Variants in DLGAP2 observed in about 807,000 individuals in gnomAD.
DLGAP2 encodes the protein disks large-associated protein 2.
In DLGAP2, 26 loss-of-function variants were observed where a neutral mutation model predicts 100.3. That is an observed-to-expected ratio of 0.26 (90% CI 0.19 to 0.36). The LOEUF (loss-of-function observed/expected upper bound fraction) is 0.36. Ranked by LOEUF, DLGAP2 falls within the 10% of genes least tolerant of loss-of-function variation. The pLI is 1.00. For missense variants in DLGAP2, 1,858 were observed against 1,453.2 expected (o/e 1.28, Z -4.53); for synonymous variants, 886 against 630.1 (o/e 1.41, Z -6.08).
intron 3 of DLGAP2, among the ~76,000 whole-genome samples, chr8:1,469,592 C>G (rs939683765): frequency 2.6e-5 from 4 of 152,170 alleles, no homozygotes; most frequent in African/African-American, 9.6e-5. Flanking sequence ...CCCACGTATT[C>G]GTATTTTCAC....
chr8:1,295,116 G>C (rs922346945), intron 3 of DLGAP2, among the ~76,000 whole-genome samples: 3 of 152,156 alleles, frequency 2.0e-5, no homozygotes, highest in African/African-American at 7.2e-5. Context: ...GTTGCAGTGG[G>C]GACTGTGGGC....
chr8:778,905 C>G lies in DLGAP2; in HGVS notation c.18+41080C>G, dbSNP rs192930582. Among the ~76,000 whole-genome samples, 685 of 152,374 alleles carry G rather than the reference C, an allele frequency of 4.5e-3. 1 individual carries two copies. Among genetic ancestry groups the G allele is most frequent in the Non-Finnish European group, 7.3e-3 (495 of 68,036 alleles). On this transcript the variant is annotated intron_variant, in intron 1 of 14. Coordinates refer to ENST00000637795, the MANE Select transcript of DLGAP2 (RefSeq NM_001346810.2). ...TTCCCGGCTGCTTTGTTTACCTAAG[C>G]AAGCCTGGGCAATGGTGGGCGCCCC...
intron 2 of DLGAP2, among the ~76,000 whole-genome samples, chr8:1,038,770 G>C (rs1563158138): frequency 6.6e-6 from 1 of 152,196 alleles, no homozygotes; most frequent in Non-Finnish European, 1.5e-5. Flanking sequence ...ATGTGGTTGG[G>C]AGTTATGTAT....
chr8:1,444,533 G>A (rs1007864608), intron 3 of DLGAP2, among the ~76,000 whole-genome samples: 1 of 152,010 alleles, frequency 6.6e-6, no homozygotes, highest in Non-Finnish European at 1.5e-5. Flanking sequence ...TTTTAAGAGA[G>A]AAAGAGACAG....
intron 2 of DLGAP2, among the ~76,000 whole-genome samples, chr8:1,180,017 C>T (rs1797345723): frequency 6.6e-6 from 1 of 152,140 alleles, no homozygotes; most frequent in Admixed American, 6.5e-5. Flanking sequence ...TTAAAGTGAA[C>T]ACATAATTTT....
chr8:1,191,515 C>G (rs951751640), intron 2 of DLGAP2, among the ~76,000 whole-genome samples: 16 of 152,304 alleles, frequency 1.1e-4, no homozygotes, highest in African/African-American at 3.9e-4. Flanking sequence ...GTCTAAAGTA[C>G]TAAGTAAAAC....
chr8:1,673,474 A>G (rs1439162788), intron 10 of DLGAP2, among the ~76,000 whole-genome samples: 2 of 152,228 alleles, frequency 1.3e-5, no homozygotes, highest in Non-Finnish European at 2.9e-5. Context: ...TTTACCATCC[A>G]GCAATGGAGA....
At chr8:1,510,604 C>T (rs762806596) in intron 4 of DLGAP2, among the ~76,000 whole-genome samples, 14 of 152,216 alleles carry the variant, frequency 9.2e-5, no homozygotes, top group Admixed American at 2.0e-4. Context: ...ATATGCTTAA[C>T]GCCACAGCAA....
intron 3 of DLGAP2, among the ~76,000 whole-genome samples, chr8:1,409,555 G>A (rs13262573): frequency 2.0e-5 from 3 of 152,050 alleles, no homozygotes; most frequent in Non-Finnish European, 4.4e-5. Flanking sequence ...GCCTGTCACC[G>A]TGTGATGGTG....
intron 8 of DLGAP2, among the ~76,000 whole-genome samples, chr8:1,635,164 T>A (rs1797738338): frequency 6.6e-6 from 1 of 152,230 alleles, no homozygotes; most frequent in African/African-American, 2.4e-5. Flanking sequence ...GTATTGTATA[T>A]TAGTTATTTA....
intron 3 of DLGAP2, among the ~76,000 whole-genome samples, chr8:1,326,939 C>G (rs1041662399): frequency 6.6e-6 from 1 of 152,214 alleles, no homozygotes; most frequent in Non-Finnish European, 1.5e-5. Context: ...ATAAGATCAG[C>G]CGTGCTCTTT....
At chr8:1,392,048 C>T (rs1237651661) in intron 3 of DLGAP2, among the ~76,000 whole-genome samples, 2 of 152,052 alleles carry the variant, frequency 1.3e-5, no homozygotes, top group East Asian at 1.9e-4. Flanking sequence ...CCCCTTGTTG[C>T]GATGCTGTAG....
At chr8:1,320,042 C>G (rs1051432680) in intron 3 of DLGAP2, among the ~76,000 whole-genome samples, 1 of 152,064 alleles carries the variant, frequency 6.6e-6, no homozygotes, top group Admixed American at 6.5e-5. Flanking sequence ...GTTGCGGCCT[C>G]TGGGCCCAGG....
intron 5 of DLGAP2, among the ~76,000 whole-genome samples, chr8:1,563,665 A>G (rs1737755780): frequency 6.6e-6 from 1 of 152,100 alleles, no homozygotes; most frequent in Non-Finnish European, 1.5e-5. Context: ...TGTGAGTGAC[A>G]GAAATGAGCA....
chr8:1,191,377 A>T (rs182366200), intron 2 of DLGAP2, among the ~76,000 whole-genome samples: 1 of 152,058 alleles, frequency 6.6e-6, no homozygotes, highest in Admixed American at 6.5e-5. Context: ...TCACCGTGTT[A>T]GCCAGGATGG....
intron 8 of DLGAP2, among the ~76,000 whole-genome samples, chr8:1,648,925 A>G (rs921154297): frequency 6.6e-6 from 1 of 152,186 alleles, no homozygotes; most frequent in Non-Finnish European, 1.5e-5. Flanking sequence ...TACAAATCCT[A>G]TCACAAAGGT....
intron 2 of DLGAP2, among the ~76,000 whole-genome samples, chr8:1,148,452 A>C (rs1292405973): frequency 6.6e-6 from 1 of 151,898 alleles, no homozygotes; most frequent in African/African-American, 2.4e-5. Context: ...TTTTAAATTA[A>C]TTTCTGCTTT....
chr8:1,455,823 C>T (rs80177504), intron 3 of DLGAP2, among the ~76,000 whole-genome samples: 1 of 152,346 alleles, frequency 6.6e-6, no homozygotes, highest in Non-Finnish European at 1.5e-5. Flanking sequence ...ATCAGCAAGG[C>T]TGCAGCGTTC....
intron 3 of DLGAP2, among the ~76,000 whole-genome samples, chr8:1,294,888 C>T (rs78286090): frequency 2.7e-4 from 39 of 145,144 alleles, no homozygotes; most frequent in East Asian, 1.9e-3. Context: ...AAAAACAAAA[C>T]TTTTTTTTTT....
Sources: gnomAD v4.1 joint callset for allele counts (sites outside exome capture counted in the v4.1 genomes callset) on GRCh38, gnomAD v4.1.1 for gene constraint, MANE v1.5 for transcripts, NCBI Gene and HGNC (gene_info 2026-07-23, HGNC 2026-07-21) for gene names.